OPHN1: variants seen among roughly 807,000 people sequenced by gnomAD.
OPHN1 encodes oligophrenin 1, also known as oligophrenin-1.
In OPHN1, 11 loss-of-function variants were observed where a neutral mutation model predicts 60.7. The observed-to-expected ratio is 0.18, with a 90% CI of 0.11 to 0.30. The LOEUF (loss-of-function observed/expected upper bound fraction) is 0.30, where lower values mean the gene tolerates loss of function less well. Among genes scored for constraint, OPHN1 ranks in the 10% least tolerant of loss-of-function variants. The pLI, the probability that OPHN1 is intolerant of heterozygous loss-of-function variation, is 1.00. For missense variants in OPHN1, 449 were observed against 611.0 expected (o/e 0.73, Z 2.80); for synonymous variants, 226 against 222.6 (o/e 1.02, Z -0.14).
At chrX:68,127,197 A>G (rs972265865) in intron 15 of OPHN1, among the ~76,000 whole-genome samples, 1 of 111,517 alleles carries the variant, frequency 9.0e-6, no homozygotes, top group Non-Finnish European at 1.9e-5. Flanking sequence ...ATAGAAGGAA[A>G]ACTCTCTGAA....
chrX:68,272,667 C>A (rs569833675), intron 5 of OPHN1, among the ~76,000 whole-genome samples: 1 of 111,898 alleles, frequency 8.9e-6, no homozygotes, highest in African/African-American at 3.2e-5. Flanking sequence ...GCTAGACCAT[C>A]GAGGTTTGTG....
intron 2 of OPHN1, among the ~76,000 whole-genome samples, chrX:68,380,418 T>A (rs2078589895): frequency 9.0e-6 from 1 of 111,639 alleles, no homozygotes; most frequent in African/African-American, 3.3e-5. Context: ...GTTTTTTGTG[T>A]CTCTATTTCC....
In OPHN1 at chrX:68,193,938, C is replaced by T. The variant is rs772717054; in HGVS notation, c.1153G>A (p.Val385Met). 15 of 1,205,048 alleles carry T rather than the reference C, an allele frequency of 1.2e-5. No homozygotes were observed. Among genetic ancestry groups the T allele is most frequent in the Non-Finnish European group, 1.7e-5 (15 of 891,016 alleles). The change falls in exon 14 of 25, where the codon GTG (valine) becomes ATG (methionine). Residue 385 changes from valine (V) to methionine (M), a missense_variant. Coordinates refer to ENST00000355520, the MANE Select transcript of OPHN1 (RefSeq NM_002547.3). Reference protein sequence around the residue: ...TKQQEMELNEVGFKFVRKCIN... With the variant: ...TKQQEMELNEMGFKFVRKCIN... ...CACTTCCTGACAAACTTGAAGCCCA[C>T]TTCATTTAGCTCCACTGTTTCAAGC...
In OPHN1 at chrX:68,393,885, G is replaced by GTTTTTTTTTTTTTT. The variant is rs1163192446; in HGVS notation, c.154+38968_154+38981dup. Among the ~76,000 whole-genome samples the GTTTTTTTTTTTTTT allele has an allele frequency of 4.3e-4, 15 of 34,600 alleles. 4 individuals are homozygous for GTTTTTTTTTTTTTT. The highest frequency in any genetic ancestry group is 6.9e-4 in the Non-Finnish European group (14 of 20,294). 30.0% of individuals were successfully genotyped at this position (34,600 alleles called of 115,157 possible). A position where few individuals can be genotyped will look rare whatever the true frequency, so the allele number is the denominator to read the frequency against. On this transcript the variant is annotated intron_variant, in intron 2 of 24. Transcript: ENST00000355520. Reference sequence around the variant, plus strand: ...CTATCAAGGTGATCCAATAGACTTTGTTTTTTTTTTTTTTTTTTTTTTTTT... The same window carrying GTTTTTTTTTTTTTT: ...CTATCAAGGTGATCCAATAGACTTTGTTTTTTTTTTTTTTTTTTTTTTTTTTTTTTTTTTTTTTT...
At chrX:68,246,545 G>A (rs2077806853) in intron 5 of OPHN1, among the ~76,000 whole-genome samples, 1 of 111,657 alleles carries the variant, frequency 9.0e-6, no homozygotes, top group African/African-American at 3.3e-5. Flanking sequence ...TTGCCCAGTG[G>A]CACAGAGGAG....
intron 15 of OPHN1, among the ~76,000 whole-genome samples, chrX:68,143,277 C>A (rs188998410): frequency 1.1e-3 from 125 of 111,616 alleles, no homozygotes; most frequent in East Asian, 0.01. Flanking sequence ...AACCTCCATA[C>A]AGGGTTAGGA....
chrX:68,166,868 G>A (rs781539851), intron 15 of OPHN1, among the ~76,000 whole-genome samples: 28 of 112,045 alleles, frequency 2.5e-4, no homozygotes, highest in Non-Finnish European at 4.3e-4. Context: ...CCTATCTCTT[G>A]CCTAAATCAA....
intron 2 of OPHN1, among the ~76,000 whole-genome samples, chrX:68,415,931 C>T (rs1432345930): frequency 2.8e-5 from 3 of 106,877 alleles, no homozygotes; most frequent in African/African-American, 1.0e-4. Flanking sequence ...AGGAGTATTG[C>T]TCGAACCCAG....
intron 2 of OPHN1, among the ~76,000 whole-genome samples, chrX:68,380,699 T>C (rs2078591855): frequency 1.8e-5 from 2 of 111,602 alleles, no homozygotes; most frequent in African/African-American, 3.3e-5. Context: ...CCAGTAGTCA[T>C]TCAGGAGCAG....
chrX:68,128,053 CT>C lies in OPHN1; in HGVS notation c.1277-8722del, dbSNP rs761895543. On this transcript the variant is annotated intron_variant, in intron 15 of 24. Coordinates refer to ENST00000355520, the MANE Select transcript of OPHN1 (RefSeq NM_002547.3). ...AAAAATGCAAGAGAAATTACTGATA[CT>C]TTTTTTTTTTTTCCAGAAAGGGTCT... Among the ~76,000 whole-genome samples, 228 of 103,134 alleles carry C rather than the reference CT, an allele frequency of 2.2e-3. 1 individual carries two copies. Among genetic ancestry groups the C allele is most frequent in the Non-Finnish European group, 2.7e-3 (135 of 50,092 alleles). 89.6% of individuals were successfully genotyped at this position (103,134 alleles called of 115,157 possible).
chrX:68,371,400 A>T (rs1229847033), intron 2 of OPHN1, among the ~76,000 whole-genome samples: 3 of 109,175 alleles, frequency 2.7e-5, no homozygotes, highest in Non-Finnish European at 5.7e-5. Context: ...GTGTTTTTTT[A>T]TAGAGACCGA....
rs940748964 is a variant in OPHN1 at position 68,046,440 on chromosome X, T to C, written c.*732A>G. 2 of 112,319 alleles carry C rather than the reference T, an allele frequency of 1.8e-5. No individual in the cohort carries two copies. Among genetic ancestry groups the C allele is most frequent in the African/African-American group, 6.5e-5 (2 of 30,893 alleles). The allele number at this position is 112,319 out of a possible 1,213,427, so 9.3% of individuals were successfully genotyped here. A position where few individuals can be genotyped will look rare whatever the true frequency, so the allele number is the denominator to read the frequency against. ...AGCTGTCAAAAAAAAGGAGAAAGAA[T>C]AATCCAAATAGACCTAGGCTTTTAC... On this transcript the variant is annotated 3_prime_UTR_variant, in exon 25 of 25. Transcript: ENST00000355520.
chrX:68,182,124 A>G (rs2077439660), intron 15 of OPHN1, among the ~76,000 whole-genome samples: 1 of 109,819 alleles, frequency 9.1e-6, no homozygotes, highest in East Asian at 2.9e-4. Flanking sequence ...AGTGAGGAAC[A>G]GACTGGGAGT....
intron 6 of OPHN1, among the ~76,000 whole-genome samples, chrX:68,216,937 A>G (rs56310068): frequency 0.056 from 6,325 of 112,162 alleles, 433 homozygotes; most frequent in African/African-American, 0.19. Context: ...AAGATGGCCG[A>G]ATAGGAACAG....
At chrX:68,111,171 A>G (rs2077102303) in intron 18 of OPHN1, among the ~76,000 whole-genome samples, 1 of 112,497 alleles carries the variant, frequency 8.9e-6, no homozygotes, top group Admixed American at 9.4e-5. Flanking sequence ...ATGAACTAAT[A>G]GCAGAAAGCA....
At chrX:68,385,172 G>A (rs1296974873) in intron 2 of OPHN1, among the ~76,000 whole-genome samples, 1 of 111,919 alleles carries the variant, frequency 8.9e-6, no homozygotes, top group East Asian at 2.8e-4. Context: ...CCAGTTATGT[G>A]TAGCTTTGAA....
chrX:68,053,556 A>G, intron 22 of OPHN1, 89 bp downstream of exon 22: 1 of 955,980 alleles, frequency 1.0e-6, no homozygotes. Flanking sequence ...AGGGCTGTGC[A>G]CTGTATACCC....
chrX:68,052,471 C>T, intron 23 of OPHN1, 69 bp downstream of exon 23: 1 of 963,016 alleles, frequency 1.0e-6, no homozygotes, highest in African/African-American at 1.9e-5. Flanking sequence ...AGAGTGAGCA[C>T]AATTGTATGC....
At chrX:68,175,007 C>A (rs187193852) in intron 15 of OPHN1, among the ~76,000 whole-genome samples, 109 of 109,294 alleles carry the variant, frequency 1.0e-3, no homozygotes, top group Non-Finnish European at 1.7e-3. Flanking sequence ...TTGCTGGAAC[C>A]TGGGAGGCGG....
Sources: allele counts gnomAD v4.1 joint callset (sites outside exome capture counted in the v4.1 genomes callset), GRCh38; gene constraint gnomAD v4.1.1; transcripts MANE v1.5; gene names NCBI Gene and HGNC (gene_info 2026-07-23, HGNC 2026-07-21).